Variants in HOOK3 observed in about 807,000 individuals in gnomAD.
The protein encoded by HOOK3 is hook microtubule tethering protein 3, also known as protein Hook homolog 3.
Under a neutral mutation model 116.3 loss-of-function variants are expected in HOOK3, and 24 were observed. That is an observed-to-expected ratio of 0.21 (90% CI 0.15 to 0.29). The LOEUF is 0.29. HOOK3 is among the 10% of genes least tolerant of loss of function. The pLI is 1.00. For synonymous variants in HOOK3, 275 were observed against 283.0 expected, an observed-to-expected ratio of 0.97 and a Z score of 0.28; for missense variants, 632 against 830.2, an observed-to-expected ratio of 0.76 and a Z score of 2.93.
At position 43,019,002 on chromosome 8, in the gene HOOK3, TTC is replaced by T. The variant is rs1809770842; in HGVS notation, c.*506_*507del. Reference sequence around the variant, plus strand: ...TACTATACAAAATGGTTGACAAGTGTTCTTTTTGCAAAGACTTGAATACATTG... The same window carrying T: ...TACTATACAAAATGGTTGACAAGTGTTTTTTGCAAAGACTTGAATACATTG... On this transcript the variant is annotated 3_prime_UTR_variant, in exon 22 of 22. Coordinates refer to ENST00000307602, the MANE Select transcript of HOOK3 (RefSeq NM_032410.4). The T allele has an allele frequency of 1.4e-5, 3 of 208,938 alleles. No homozygotes were observed. The Admixed American group carries it at 1.8e-4, about 12-fold the overall frequency. The allele number at this position is 208,938 out of a possible 1,614,324, so 12.9% of individuals were successfully genotyped here.
intron 11 of HOOK3, among the ~76,000 whole-genome samples, chr8:42,969,052 C>T (rs1554513189): frequency 6.6e-6 from 1 of 152,130 alleles, no homozygotes; most frequent in Non-Finnish European, 1.5e-5. Flanking sequence ...GCTGCTCTCT[C>T]AGTTAGTCTC....
intron 3 of HOOK3, among the ~76,000 whole-genome samples, chr8:42,928,414 G>A (rs1807811433): frequency 6.6e-6 from 1 of 151,672 alleles, no homozygotes; most frequent in Non-Finnish European, 1.5e-5. Context: ...TTGCGCCACT[G>A]TACTCCAGCC....
At chr8:42,971,074 G>A (rs563821774) in intron 11 of HOOK3, among the ~76,000 whole-genome samples, 24 of 149,690 alleles carry the variant, frequency 1.6e-4, no homozygotes, top group African/African-American at 5.4e-4. Context: ...GGTGTGAGCC[G>A]CTGCACCCAG....
At chr8:42,960,372 A>G (rs1563301615) in intron 8 of HOOK3, among the ~76,000 whole-genome samples, 1 of 152,210 alleles carries the variant, frequency 6.6e-6, no homozygotes. Context: ...AAAATGAATG[A>G]TAGTGTTGCA....
chr8:42,990,537 C>T (rs932697500), intron 15 of HOOK3, among the ~76,000 whole-genome samples: 9 of 151,358 alleles, frequency 5.9e-5, no homozygotes, highest in South Asian at 2.1e-4. Context: ...GATGGGGTTT[C>T]GCCATGTTGC....
intron 4 of HOOK3, 148 bp from the exon 5 acceptor site, chr8:42,943,165 A>G: frequency 2.4e-6 from 1 of 414,644 alleles, no homozygotes; most frequent in Non-Finnish European, 4.2e-6. Flanking sequence ...TAGGTATGGG[A>G]GGTAGAAATA....
Position 43,020,012 on chromosome 8 carries a change from G to A in HOOK3, c.*1514G>A. 1 of 197,744 alleles carries A rather than the reference G, an allele frequency of 5.1e-6. No homozygotes were observed. The allele number at this position is 197,744 out of a possible 1,614,324, so 12.2% of individuals were successfully genotyped here. On this transcript the variant is annotated 3_prime_UTR_variant, in exon 22 of 22. Transcript: ENST00000307602. ...TAAGTAACCTCAAATCAAGCTAAATGTAATTAAGAATTTTCAGCAACTATA... is the reference window on the plus strand; with the variant it reads ...TAAGTAACCTCAAATCAAGCTAAATATAATTAAGAATTTTCAGCAACTATA...
rs922999250 is a variant in HOOK3, at chr8:43,018,456, A to C, written c.2115A>C (p.Arg705Ser). Residue 705 changes from arginine (R) to serine (S), a missense_variant, in exon 22 of 22, where the codon AGA becomes AGC. Physicochemically the swap from Arg to Ser is moderately radical, Grantham distance 110 (BLOSUM62 -1). Around this residue, in one of 3 missense-constraint regions of HOOK3, gnomAD observed 483 missense variants for 648.1 expected, o/e 0.75. Transcript: ENST00000307602. ...LARQRQATSSRRSYPGHVQPA... is the reference protein window; with the variant it reads ...LARQRQATSSSRSYPGHVQPA... ...GGCAGAGGCAAGCGACCAGCAGCAG[A>C]AGATCATACCCAGGCCACGTGCAGC... 7 of 1,613,854 alleles carry C rather than the reference A, an allele frequency of 4.3e-6. No homozygotes were observed. Among genetic ancestry groups the C allele is most frequent in the Non-Finnish European group, 5.1e-6 (6 of 1,179,956 alleles).
At chr8:42,918,629 C>CG (rs1460431256) in intron 2 of HOOK3, among the ~76,000 whole-genome samples, 9 of 152,090 alleles carry the variant, frequency 5.9e-5, no homozygotes, top group Non-Finnish European at 8.8e-5. Flanking sequence ...GGTGATGACT[C>CG]TTAACGAGTA....
At chr8:42,939,505 G>A (rs541904156) in intron 4 of HOOK3, among the ~76,000 whole-genome samples, 40 of 147,892 alleles carry the variant, frequency 2.7e-4, no homozygotes, top group African/African-American at 8.7e-4. Flanking sequence ...CGGACGGGGC[G>A]GCTGGCCGGG....
chr8:42,984,759 C>T (rs946229643), intron 14 of HOOK3, among the ~76,000 whole-genome samples: 1 of 152,132 alleles, frequency 6.6e-6, no homozygotes, highest in South Asian at 2.1e-4. Context: ...AAAAAATTAG[C>T]TGGGTGTGCT....
chr8:42,938,046 G>A (rs1808007436), intron 4 of HOOK3, among the ~76,000 whole-genome samples: 1 of 152,260 alleles, frequency 6.6e-6, no homozygotes, highest in Non-Finnish European at 1.5e-5. Context: ...AGGTCTCTAA[G>A]AACTTGCTTT....
intron 17 of HOOK3, 21 bp from the exon 18 acceptor site, chr8:43,007,826 A>G: frequency 6.8e-7 from 1 of 1,481,130 alleles, no homozygotes; most frequent in Non-Finnish European, 9.3e-7. Context: ...GTAGTAGGTG[A>G]TGTTTACCTG....
intron 4 of HOOK3, among the ~76,000 whole-genome samples, chr8:42,930,391 T>G (rs1328850825): frequency 1.3e-5 from 2 of 152,234 alleles, no homozygotes; most frequent in African/African-American, 4.8e-5. Flanking sequence ...TGTAGATGAT[T>G]TATAATTAAT....
At position 42,992,710 on chromosome 8, in the gene HOOK3, C is replaced by CAA. The variant is rs35064772; in HGVS notation, c.1533-4820_1533-4819dup. ...CAGCCTGGTGACAGAGACTCCATCT[C>CAA]AAAAAAAAAAAAAAAAAAAAAGAAA... On this transcript the variant is annotated intron_variant, in intron 15 of 21. Coordinates refer to ENST00000307602, the MANE Select transcript of HOOK3 (RefSeq NM_032410.4). Among the ~76,000 whole-genome samples the CAA allele has an allele frequency of 4.4e-3, 248 of 56,294 alleles. 3 individuals carry two copies. Among genetic ancestry groups the CAA allele is most frequent in the African/African-American group, 0.014 (222 of 16,206 alleles). 36.9% of individuals were successfully genotyped at this position (56,294 alleles called of 152,430 possible).
chr8:42,990,499 T>C (rs568735333), intron 15 of HOOK3, among the ~76,000 whole-genome samples: 1 of 151,480 alleles, frequency 6.6e-6, no homozygotes, highest in South Asian at 2.1e-4. Context: ...CCACCATGGC[T>C]AGCTAATTTT....
intron 1 of HOOK3, among the ~76,000 whole-genome samples, chr8:42,903,967 A>C (rs1430341786): frequency 6.6e-6 from 1 of 152,082 alleles, no homozygotes; most frequent in Non-Finnish European, 1.5e-5. Flanking sequence ...AAAACAAAAC[A>C]AAACAAAAAG....
chr8:42,946,512 C>T (rs10958734), intron 5 of HOOK3, among the ~76,000 whole-genome samples: 36,498 of 151,132 alleles, frequency 0.24, 5,237 homozygotes, highest in East Asian at 0.33. Context: ...ATGTTGAAGA[C>T]GATGAATTTT....
At chr8:42,994,077 C>T (rs868355970) in intron 15 of HOOK3, among the ~76,000 whole-genome samples, 24 of 152,154 alleles carry the variant, frequency 1.6e-4, no homozygotes, top group African/African-American at 3.9e-4. Flanking sequence ...AGTGTAGTGG[C>T]GCGATCTCGG....
Sources: allele counts gnomAD v4.1 joint callset (sites outside exome capture counted in the v4.1 genomes callset), GRCh38; gene constraint gnomAD v4.1.1; regional missense constraint gnomAD v4.1.1; transcripts MANE v1.5; gene names NCBI Gene and HGNC (gene_info 2026-07-23, HGNC 2026-07-21).